Variants in TAP1 observed in about 807,000 individuals in gnomAD.
The protein encoded by TAP1 is transporter 1, ATP binding cassette subfamily B member.
In TAP1, 56 loss-of-function variants were observed where a neutral mutation model predicts 79.3. The ratio of observed to expected loss-of-function variants is 0.71; its 90% CI spans 0.57 to 0.88. The LOEUF is 0.88. Among genes scored for constraint, TAP1 ranks in the 40% least tolerant of loss-of-function variants. TAP1 has a pLI of 0.00. For missense variants in TAP1, 737 were observed against 936.3 expected, an observed-to-expected ratio of 0.79 and a Z score of 2.78; for synonymous variants, 355 against 401.4, an observed-to-expected ratio of 0.88 and a Z score of 1.38.
Position 32,852,862 on chromosome 6 carries a change from C to T in TAP1, c.598+177G>A. 1 of 1,438,638 alleles carries T rather than the reference C, an allele frequency of 7.0e-7. No individual in the cohort carries two copies. The highest frequency in any genetic ancestry group is 9.1e-7 in the Non-Finnish European group (1 of 1,101,580). The allele number at this position is 1,438,638 out of a possible 1,614,324, so 89.1% of individuals were successfully genotyped here. On this transcript the variant is annotated intron_variant, in intron 1 of 10. Transcript: ENST00000354258. The surrounding 1 kb of genome is among the most constrained non-coding windows in gnomAD (Gnocchi z 4.8). The stretch of plus-strand genomic sequence containing the variant: ...GCAATGGAGCCCAGAACCTCTGGCC[C>T]CCGCCAGTCCAGTGCCGTTTCTTCT...
chr6:32,845,701 C>G lies in TAP1; in HGVS notation c.2125G>C (p.Ala709Pro). Residue 709 changes from alanine (A) to proline (P), a missense_variant, in exon 11 of 11, where the codon GCT becomes CCT. This residue lies in a region of TAP1 where 266 missense variants were observed against 332.4 expected (regional missense o/e 0.80). Transcript: ENST00000354258. The surrounding 1 kb of genome is among the most constrained non-coding windows in gnomAD (Gnocchi z 4.5). ...CCTTCCAGAAAGAGGATGTGGTCAG[C>G]CTGCTCCACCAGGCTGAGGTGCTGG... The part of the protein sequence containing the change: ...ITQHLSLVEQ[A>P]DHILFLEGGA... The G allele has an allele frequency of 6.2e-7, 1 of 1,613,062 alleles. No individual in the cohort carries two copies. Among genetic ancestry groups the G allele is most frequent in the Non-Finnish European group, 8.5e-7 (1 of 1,180,022 alleles).
rs2127391814 is a variant in TAP1 at position 32,851,851 on chromosome 6, T to C, written c.844+258A>G. ...CTAGATGAAAACTCTAGGTTTTTCT[T>C]AAGGTAAGGAGGACAATATTTTGCT... On this transcript the variant is annotated intron_variant, in intron 3 of 10. Coordinates refer to ENST00000354258, the MANE Select transcript of TAP1 (RefSeq NM_000593.6). This position sits in a 1 kb window ranked among gnomAD's most constrained non-coding sequence, Gnocchi z 4.8. Among the ~76,000 whole-genome samples the C allele has an allele frequency of 6.6e-6, 1 of 152,110 alleles. No homozygotes were observed. Among genetic ancestry groups the C allele is most frequent in the African/African-American group, 2.4e-5 (1 of 41,466 alleles).
intron 5 of TAP1, 51 bp from the exon 6 acceptor site, chr6:32,849,169 A>G: frequency 6.4e-7 from 1 of 1,553,500 alleles, no homozygotes; most frequent in Non-Finnish European, 8.7e-7. Flanking sequence ...TCTGGAGGGG[A>G]CACAAAGAAC....
intron 6 of TAP1, 49 bp from the exon 7 acceptor site, chr6:32,848,889 T>G: frequency 6.2e-7 from 1 of 1,612,948 alleles, no homozygotes; most frequent in Non-Finnish European, 8.5e-7. Context: ...CTTGCCAGCA[T>G]TATGTGAAGC....
chr6:32,848,442 C>T (rs72854954), intron 7 of TAP1, among the ~76,000 whole-genome samples: 4,651 of 152,354 alleles, frequency 0.031, 82 homozygotes, highest in South Asian at 0.052. Context: ...AGAGCACTCT[C>T]TTCGAAACCT....
Position 32,845,420 on chromosome 6 carries a change from A to G in TAP1, c.*159T>C. Reference sequence around the variant, plus strand: ...CAAATCCTGTGTTTGTACTCCAGGAAGTCTGCATTATCACGAGGAGCTTGG... The same window carrying G: ...CAAATCCTGTGTTTGTACTCCAGGAGGTCTGCATTATCACGAGGAGCTTGG... On this transcript the variant is annotated 3_prime_UTR_variant, in exon 11 of 11. Coordinates refer to ENST00000354258, the MANE Select transcript of TAP1 (RefSeq NM_000593.6). The surrounding 1 kb of genome is among the most constrained non-coding windows in gnomAD (Gnocchi z 4.5). 1 of 734,554 alleles carries G rather than the reference A, an allele frequency of 1.4e-6. No individual in the cohort carries two copies. The highest frequency in any genetic ancestry group is 2.4e-6 in the Non-Finnish European group (1 of 417,290). 45.5% of individuals were successfully genotyped at this position (734,554 alleles called of 1,614,324 possible).
chr6:32,853,592 G>T lies in TAP1; in HGVS notation c.45C>A (p.Leu15=), dbSNP rs1195813244. ...RCPAPRGCRC[L]PGASLAWLGT... The stretch of plus-strand genomic sequence containing the variant: ...CCAGCCATGCGAGAGAAGCTCCGGG[G>T]AGGCAGCGGCACCCGCGGGGAGCGG... Residue 15 remains leucine (L), a synonymous_variant, in exon 1 of 11, where the codon CTC becomes CTA. Transcript: ENST00000354258. The surrounding 1 kb of genome is among the most constrained non-coding windows in gnomAD (Gnocchi z 8.3). 1.2e-6 allele frequency: 2 copies of T among 1,612,490 alleles called. No homozygotes were observed. Among genetic ancestry groups the T allele is most frequent in the Non-Finnish European group, 1.7e-6 (2 of 1,179,776 alleles).
chr6:32,846,968 G>A lies in TAP1; in HGVS notation c.2040+100C>T, dbSNP rs866992619. The A allele has an allele frequency of 1.2e-5, 19 of 1,566,990 alleles. No homozygotes were observed. In the Middle Eastern group the frequency reaches 2.0e-3, roughly 165 times the overall value. ...GGATTTGGGAACTGAGAACTGCAAG[G>A]ACTGGTTTGTATAATTATGATGTTA... is the stretch of plus-strand genomic sequence containing the variant. On this transcript the variant is annotated intron_variant, in intron 10 of 10. Coordinates refer to ENST00000354258, the MANE Select transcript of TAP1 (RefSeq NM_000593.6).
At chr6:32,848,583 C>A (rs1770589918) in intron 7 of TAP1, 69 bp downstream of exon 7, 1 of 1,549,878 alleles carries the variant, frequency 6.5e-7, no homozygotes, top group Admixed American at 1.7e-5. Flanking sequence ...AGGCTGAAGG[C>A]AGGAAGAAAA....
chr6:32,851,123 CCT>C lies in TAP1; in HGVS notation c.869_870del (p.Glu290GlyfsTer7). 6.2e-7 allele frequency: 1 copy of C among 1,612,898 alleles called. No individual in the cohort carries two copies. Among genetic ancestry groups the C allele is most frequent in the Non-Finnish European group, 8.5e-7 (1 of 1,180,006 alleles). ...AGAGAATCACTCAGGGTGGACGTGTCCTCTGTTACCCGAGACATGATGTTACC... is the reference window on the plus strand; with the variant it reads ...AGAGAATCACTCAGGGTGGACGTGTCCTGTTACCCGAGACATGATGTTACC... ...QTGNIMSRVT[E>X]DTSTLSDSLS... On this transcript the variant is annotated frameshift_variant, in exon 4 of 11. Coordinates refer to ENST00000354258, the MANE Select transcript of TAP1 (RefSeq NM_000593.6). LOFTEE classifies it high-confidence loss of function. This position sits in a 1 kb window ranked among gnomAD's most constrained non-coding sequence, Gnocchi z 4.8.
At position 32,852,335 on chromosome 6, in the gene TAP1, C is replaced by T. The variant is rs1007433984; in HGVS notation, c.713+53G>A. 11 of 1,603,706 alleles carry T rather than the reference C, an allele frequency of 6.9e-6. No individual in the cohort carries two copies. The Admixed American group carries it at 1.9e-4, about 27-fold the overall frequency. On this transcript the variant is annotated intron_variant, in intron 2 of 10. Transcript: ENST00000354258. The surrounding 1 kb of genome is among the most constrained non-coding windows in gnomAD (Gnocchi z 4.8). ...CATATAAGTGCATTTCGGACAGCAG[C>T]CCCAACTTCCAACTCCCTCATTTGC...
chr6:32,846,826 A>G (rs1236384717), intron 10 of TAP1, among the ~76,000 whole-genome samples: 4 of 152,084 alleles, frequency 2.6e-5, no homozygotes, highest in Admixed American at 2.6e-4. Flanking sequence ...TAAAAAAAAA[A>G]AAGGAAAGAA....
chr6:32,847,993 G>A lies in TAP1; in HGVS notation c.1666C>T (p.Gln556Ter). 6.2e-7 allele frequency: 1 copy of A among 1,613,116 alleles called. No homozygotes were observed. The change falls in exon 8 of 11, where the codon CAG becomes TAG. Residue 556 changes from glutamine to a stop codon, truncating the protein, a stop_gained. Transcript: ENST00000354258. LOFTEE classifies it high-confidence loss of function. The surrounding 1 kb of genome is among the most constrained non-coding windows in gnomAD (Gnocchi z 4.7). Reference protein sequence around the residue: ...TVAALLQNLYQPTGGQLLLDG... With the variant: ...TVAALLQNLY ...AACAGCAGCTGTCCCCCGGTGGGCT[G>A]GTACAGATTCTGCAGCAGGGCAGCC...
chr6:32,852,341 C>T lies in TAP1; in HGVS notation c.713+47G>A. 6.2e-7 allele frequency: 1 copy of T among 1,608,872 alleles called. No individual in the cohort carries two copies. Among genetic ancestry groups the T allele is most frequent in the Non-Finnish European group, 8.5e-7 (1 of 1,179,796 alleles). ...AGTGCATTTCGGACAGCAGCCCCAA[C>T]TTCCAACTCCCTCATTTGCAGGGTG... On this transcript the variant is annotated intron_variant, in intron 2 of 10. Transcript: ENST00000354258. The surrounding 1 kb of genome is among the most constrained non-coding windows in gnomAD (Gnocchi z 4.8).
chr6:32,845,440 G>C lies in TAP1; in HGVS notation c.*139C>G. The C allele has an allele frequency of 1.2e-6, 1 of 807,738 alleles. No individual in the cohort carries two copies. The highest frequency in any genetic ancestry group is 2.1e-6 in the Non-Finnish European group (1 of 476,704). 50.0% of individuals were successfully genotyped at this position (807,738 alleles called of 1,614,324 possible). A position where few individuals can be genotyped will look rare whatever the true frequency, so the allele number is the denominator to read the frequency against. Reference sequence around the variant, plus strand: ...CAGGAAGTCTGCATTATCACGAGGAGCTTGGAAAGGAGGTAACACACTCAA... The same window carrying C: ...CAGGAAGTCTGCATTATCACGAGGACCTTGGAAAGGAGGTAACACACTCAA... On this transcript the variant is annotated 3_prime_UTR_variant, in exon 11 of 11. Transcript: ENST00000354258. The surrounding 1 kb of genome is among the most constrained non-coding windows in gnomAD (Gnocchi z 4.5).
At position 32,850,505 on chromosome 6, in the gene TAP1, G is replaced by A. The variant is rs1191538389; in HGVS notation, c.1063C>T (p.Gln355Ter). ...VGKWYQLLEV[Q>*]VRESLAKSSQ... Reference sequence around the variant, plus strand: ...GACTTTGCCAGAGATTCCCGCACCTGCACTTCCAGCAACTGTGGATACATG... The same window carrying A: ...GACTTTGCCAGAGATTCCCGCACCTACACTTCCAGCAACTGTGGATACATG... Residue 355 changes from glutamine to a stop codon, truncating the protein, a stop_gained, in exon 5 of 11, where the codon CAG becomes TAG. Transcript: ENST00000354258. LOFTEE classifies it high-confidence loss of function. The surrounding 1 kb of genome is among the most constrained non-coding windows in gnomAD (Gnocchi z 5.5). 6.2e-7 allele frequency: 1 copy of A among 1,612,344 alleles called. No individual in the cohort carries two copies. The highest frequency in any genetic ancestry group is 8.5e-7 in the Non-Finnish European group (1 of 1,180,008).
In TAP1 at chr6:32,850,391, T is replaced by C. The variant is rs1770708667; in HGVS notation, c.1177A>G (p.Lys393Glu). 3 of 1,614,260 alleles carry C rather than the reference T, an allele frequency of 1.9e-6. No individual in the cohort carries two copies. The highest frequency in any genetic ancestry group is 1.7e-5 in the Admixed American group (1 of 60,032). ...TTGAGTGTCTTTATTTCTTGCAGCT[T>C]TTCCCTAAACTTCTGGGCTTCGCCC... ...EEGEAQKFRE[K>E]LQEIKTLNQK... The change falls in exon 5 of 11, where the codon AAG (lysine) becomes GAG (glutamate). Residue 393 changes from lysine (K) to glutamate (E), a missense_variant. By Grantham distance (56) the Lys-to-Glu change is moderately conservative. Transcript: ENST00000354258. This position sits in a 1 kb window ranked among gnomAD's most constrained non-coding sequence, Gnocchi z 5.5.
chr6:32,850,608 G>A lies in TAP1; in HGVS notation c.1051-91C>T. ...TTACCTATTTGGAAATTAAAGGTGA[G>A]AAGAGACAGAGGAAAAGGAGAAAAG... On this transcript the variant is annotated intron_variant, in intron 4 of 10. Coordinates refer to ENST00000354258, the MANE Select transcript of TAP1 (RefSeq NM_000593.6). This position sits in a 1 kb window ranked among gnomAD's most constrained non-coding sequence, Gnocchi z 5.5. The A allele has an allele frequency of 8.7e-7, 1 of 1,149,302 alleles. No individual in the cohort carries two copies. Among genetic ancestry groups the A allele is most frequent in the South Asian group, 1.3e-5 (1 of 79,076 alleles). The allele number at this position is 1,149,302 out of a possible 1,614,324, so 71.2% of individuals were successfully genotyped here. A position where few individuals can be genotyped will look rare whatever the true frequency, so the allele number is the denominator to read the frequency against.
chr6:32,853,398 A>G lies in TAP1; in HGVS notation c.239T>C (p.Val80Ala). 6.2e-7 allele frequency: 1 copy of G among 1,609,122 alleles called. No individual in the cohort carries two copies. Reference protein sequence around the residue: ...LGACGVLRATVGSKSENAGAQ... With the variant: ...LGACGVLRATAGSKSENAGAQ... ...ACCTGCGTTTTCGCTCTTGGAGCCA[A>G]CCGTTGCCCTGAGGACCCCGCAGGC... The change falls in exon 1 of 11, where the codon GTT (valine) becomes GCT (alanine). Residue 80 changes from valine (V) to alanine (A), a missense_variant. Around this residue, in one of 5 missense-constraint regions of TAP1, gnomAD observed 406 missense variants for 477.2 expected, o/e 0.85. Coordinates refer to ENST00000354258, the MANE Select transcript of TAP1 (RefSeq NM_000593.6). The surrounding 1 kb of genome is among the most constrained non-coding windows in gnomAD (Gnocchi z 8.3).
Sources: allele counts gnomAD v4.1 joint callset (sites outside exome capture counted in the v4.1 genomes callset), GRCh38; gene constraint gnomAD v4.1.1; regional missense constraint gnomAD v4.1.1; non-coding constraint Gnocchi (gnomAD v3.1); transcripts MANE v1.5; gene names NCBI Gene and HGNC (gene_info 2026-07-23, HGNC 2026-07-21).